Variants in PTGFRN observed in about 807,000 individuals in gnomAD.
The protein encoded by PTGFRN is prostaglandin F2 receptor inhibitor, also known as prostaglandin F2 receptor negative regulator.
PTGFRN carries 35 observed loss-of-function variants against 83.2 expected under a neutral mutation model. The observed-to-expected ratio is 0.42, with a 90% CI of 0.32 to 0.56. The LOEUF (loss-of-function observed/expected upper bound fraction) is 0.56, where lower values mean the gene tolerates loss of function less well. PTGFRN is among the 20% of genes least tolerant of loss of function. The pLI is 0.11. For missense variants in PTGFRN, 1,051 were observed against 1,179.5 expected, an observed-to-expected ratio of 0.89 and a Z score of 1.60; for synonymous variants, 519 against 498.6, an observed-to-expected ratio of 1.04 and a Z score of -0.55.
intron 8 of PTGFRN, 150 bp from the exon 9 acceptor site, chr1:116,986,651 C>G: frequency 1.5e-6 from 1 of 658,488 alleles, no homozygotes; most frequent in South Asian, 2.1e-5. Flanking sequence ...CTTCTCCTGT[C>G]TCCAGTGGTG....
chr1:116,970,833 C>T (rs1650975148), intron 6 of PTGFRN, among the ~76,000 whole-genome samples: 1 of 152,170 alleles, frequency 6.6e-6, no homozygotes, highest in African/African-American at 2.4e-5. Context: ...AGGGGTTCTT[C>T]CCATGTTCAC....
At chr1:116,985,079 A>G (rs529981865) in intron 8 of PTGFRN, 94 bp downstream of exon 8, 14 of 1,306,634 alleles carry the variant, frequency 1.1e-5, no homozygotes, top group African/African-American at 1.5e-5. Context: ...CAGTTTGAGG[A>G]ATGTGCCATA....
At chr1:116,986,255 G>A (rs1651479621) in intron 8 of PTGFRN, among the ~76,000 whole-genome samples, 1 of 152,188 alleles carries the variant, frequency 6.6e-6, no homozygotes, top group Admixed American at 6.5e-5. Context: ...GTGCATTTCT[G>A]ACACTTAAAT....
chr1:116,945,628 G>C (rs543600262), intron 3 of PTGFRN, among the ~76,000 whole-genome samples: 1 of 152,222 alleles, frequency 6.6e-6, no homozygotes, highest in East Asian at 1.9e-4. Flanking sequence ...TCCTGGAAGG[G>C]GGAGGAGCTC....
At chr1:116,980,526 T>TA (rs1266996231) in intron 7 of PTGFRN, among the ~76,000 whole-genome samples, 1 of 152,098 alleles carries the variant, frequency 6.6e-6, no homozygotes, top group Non-Finnish European at 1.5e-5. Context: ...TATGCAGCCA[T>TA]AAAAAAGGAT....
Position 116,945,066 on chromosome 1 carries a change from T to C in PTGFRN, c.806T>C (p.Val269Ala). 2 of 1,613,268 alleles carry C rather than the reference T, an allele frequency of 1.2e-6. No individual in the cohort carries two copies. The highest frequency in any genetic ancestry group is 1.7e-6 in the Non-Finnish European group (2 of 1,179,730). The change falls in exon 3 of 9, where the codon GTT becomes GCT. Residue 269 changes from valine (V) to alanine (A), a missense_variant. By Grantham distance (64) the Val-to-Ala change is moderately conservative. Around this residue, in one of 3 missense-constraint regions of PTGFRN, gnomAD observed 719 missense variants for 836.6 expected, o/e 0.86. Coordinates refer to ENST00000393203, the MANE Select transcript of PTGFRN (RefSeq NM_020440.4). ...GAAATCCAAGAAAAGGCCGTGGAAG[T>C]TGCCACCGTGGTGATCCAGCCATCA... ...WQEIQEKAVE[V>A]ATVVIQPSVL... is the part of the protein sequence containing the mutation.
intron 1 of PTGFRN, among the ~76,000 whole-genome samples, chr1:116,917,187 A>C (rs1649425664): frequency 6.6e-6 from 1 of 152,080 alleles, no homozygotes; most frequent in African/African-American, 2.4e-5. Flanking sequence ...AGAACTTGAG[A>C]AGTGGGTGGG....
chr1:116,969,356 G>A (rs1006254219), intron 6 of PTGFRN, among the ~76,000 whole-genome samples: 1 of 152,122 alleles, frequency 6.6e-6, no homozygotes, highest in Admixed American at 6.5e-5. Context: ...ATTGAAAAGT[G>A]TATTATTTCT....
chr1:116,961,099 A>G lies in PTGFRN; in HGVS notation c.1214-144A>G. 1.1e-6 allele frequency: 1 copy of G among 915,436 alleles called. No individual in the cohort carries two copies. Among genetic ancestry groups the G allele is most frequent in the Non-Finnish European group, 1.5e-6 (1 of 654,250 alleles). The allele number at this position is 915,436 out of a possible 1,614,324, so 56.7% of individuals were successfully genotyped here. A position where few individuals can be genotyped will look rare whatever the true frequency, so the allele number is the denominator to read the frequency against. On this transcript the variant is annotated intron_variant, in intron 4 of 8. Transcript: ENST00000393203. This position sits in a 1 kb window ranked among gnomAD's most constrained non-coding sequence, Gnocchi z 5.4. ...ACTGTTCTAGGATCCTATCCAATGC[A>G]ACGACTGATTTCTGTCTCTCTAGTC...
At chr1:116,969,449 A>G (rs1471390118) in intron 6 of PTGFRN, among the ~76,000 whole-genome samples, 1 of 152,196 alleles carries the variant, frequency 6.6e-6, no homozygotes, top group East Asian at 1.9e-4. Flanking sequence ...ATTCTATTTC[A>G]GTGATCTAGA....
At chr1:116,936,645 C>T (rs1649927452) in intron 1 of PTGFRN, among the ~76,000 whole-genome samples, 1 of 152,144 alleles carries the variant, frequency 6.6e-6, no homozygotes, top group Non-Finnish European at 1.5e-5. Context: ...GGCCATGAAG[C>T]ACCAGAGAGT....
intron 7 of PTGFRN, 139 bp downstream of exon 7, chr1:116,974,462 A>G (rs1300410084): frequency 3.3e-6 from 2 of 604,886 alleles, no homozygotes; most frequent in Non-Finnish European, 2.9e-6. Context: ...AGTACTTTGT[A>G]CTCATTAAGT....
At position 116,961,176 on chromosome 1, in the gene PTGFRN, CT is replaced by C; in HGVS notation, c.1214-63del. On this transcript the variant is annotated intron_variant, in intron 4 of 8. Coordinates refer to ENST00000393203, the MANE Select transcript of PTGFRN (RefSeq NM_020440.4). This position sits in a 1 kb window ranked among gnomAD's most constrained non-coding sequence, Gnocchi z 5.4. ...AACAAGAGCAGTCCTTGTCTCATTCCTTTTGTTAATTCTTGCCATGTTACTC... is the reference window on the plus strand; with the variant it reads ...AACAAGAGCAGTCCTTGTCTCATTCCTTTGTTAATTCTTGCCATGTTACTC... The C allele has an allele frequency of 6.9e-7, 1 of 1,447,706 alleles. No individual in the cohort carries two copies. Among genetic ancestry groups the C allele is most frequent in the East Asian group, 2.3e-5 (1 of 43,104 alleles). The allele number at this position is 1,447,706 out of a possible 1,614,324, so 89.7% of individuals were successfully genotyped here.
intron 5 of PTGFRN, among the ~76,000 whole-genome samples, chr1:116,964,787 G>A (rs1448599190): frequency 2.0e-5 from 3 of 152,198 alleles, no homozygotes; most frequent in Non-Finnish European, 2.9e-5. Flanking sequence ...CATTGTTCTA[G>A]TGGCTCAGCC....
intron 4 of PTGFRN, among the ~76,000 whole-genome samples, chr1:116,953,974 T>A (rs1650417712): frequency 6.6e-6 from 1 of 150,708 alleles, no homozygotes; most frequent in Non-Finnish European, 1.5e-5. Context: ...TGCCCTAGCC[T>A]CCCAAGTAGC....
chr1:116,948,048 A>G (rs1363156182), intron 3 of PTGFRN, among the ~76,000 whole-genome samples: 2 of 152,028 alleles, frequency 1.3e-5, no homozygotes, highest in Admixed American at 1.3e-4. Flanking sequence ...CGGGCTTTGG[A>G]GTTGGTCTTT....
Position 116,910,106 on chromosome 1 carries a change from G to A in PTGFRN, c.-98G>A. 7.5e-7 allele frequency: 1 copy of A among 1,329,100 alleles called. No homozygotes were observed. Among genetic ancestry groups the A allele is most frequent in the Non-Finnish European group, 1.0e-6 (1 of 968,490 alleles). 82.3% of individuals were successfully genotyped at this position (1,329,100 alleles called of 1,614,324 possible). On this transcript the variant is annotated 5_prime_UTR_variant, in exon 1 of 9. Coordinates refer to ENST00000393203, the MANE Select transcript of PTGFRN (RefSeq NM_020440.4). ...GGAGCAGGCGCGCGGCCCAGGCGGA[G>A]GAGCGCCGACTCTGGAGCAGCCGGA...
rs1436040308 is a variant in PTGFRN at position 116,941,876 on chromosome 1, G to T, written c.211G>T (p.Ala71Ser). Residue 71 changes from alanine (A) to serine (S), a missense_variant, in exon 2 of 9, where the codon GCA (alanine) becomes TCA (serine). By Grantham distance (99) the Ala-to-Ser change is moderately conservative (BLOSUM62 1). Around this residue, in one of 3 missense-constraint regions of PTGFRN, gnomAD observed 127 missense variants for 168.4 expected, o/e 0.75. Coordinates refer to ENST00000393203, the MANE Select transcript of PTGFRN (RefSeq NM_020440.4). The surrounding 1 kb of genome is among the most constrained non-coding windows in gnomAD (Gnocchi z 5.0). ...SSLGSSFVEL[A>S]STWEVGFPAQ... ...TTTGGGGAGCAGCTTTGTGGAGCTT[G>T]CAAGCACCTGGGAGGTGGGGTTCCC... The T allele has an allele frequency of 6.2e-7, 1 of 1,614,074 alleles. No homozygotes were observed. Among genetic ancestry groups the T allele is most frequent in the Non-Finnish European group, 8.5e-7 (1 of 1,180,034 alleles).
chr1:116,917,041 A>C (rs1218381580), intron 1 of PTGFRN, among the ~76,000 whole-genome samples: 1 of 152,078 alleles, frequency 6.6e-6, no homozygotes, highest in East Asian at 1.9e-4. Flanking sequence ...TCGGAAGCCA[A>C]GCAGAGATGG....
Sources: allele counts gnomAD v4.1 joint callset (sites outside exome capture counted in the v4.1 genomes callset), GRCh38; gene constraint gnomAD v4.1.1; regional missense constraint gnomAD v4.1.1; non-coding constraint Gnocchi (gnomAD v3.1); transcripts MANE v1.5; gene names NCBI Gene and HGNC (gene_info 2026-07-23, HGNC 2026-07-21).